Variants in GRIP1 observed in about 807,000 individuals in gnomAD.
GRIP1 encodes glutamate receptor-interacting protein 1.
Under a neutral mutation model 129.9 loss-of-function variants are expected in GRIP1, and 45 were observed. That is an observed-to-expected ratio of 0.35 (90% CI 0.27 to 0.44). The LOEUF (loss-of-function observed/expected upper bound fraction) is 0.44. Ranked by LOEUF, GRIP1 falls within the 20% of genes least tolerant of loss-of-function variation. The pLI, the probability that GRIP1 is intolerant of heterozygous loss-of-function variation, is 1.00. For synonymous variants in GRIP1, 530 were observed against 520.8 expected (o/e 1.02, Z -0.24); for missense variants, 1,196 against 1,396.8 (o/e 0.86, Z 2.29).
rs965781854 is a variant in GRIP1, at chr12:66,942,442, C to T, written c.58+126608G>A. Among the ~76,000 whole-genome samples, 7 of 152,170 alleles carry T rather than the reference C, an allele frequency of 4.6e-5. No homozygotes were observed. The East Asian group carries it at 7.7e-4, about 17-fold the overall frequency. On this transcript the variant is annotated intron_variant, in intron 1 of 1. Transcript: ENST00000643019. Reference sequence around the variant, plus strand: ...ACTTTCTTTGATCCACTTCCTCTCCCGTACATACAAATGACCAAGGTCAGT... The same window carrying T: ...ACTTTCTTTGATCCACTTCCTCTCCTGTACATACAAATGACCAAGGTCAGT...
chr12:66,822,510 A>G (rs1229296255), intron 1 of GRIP1, among the ~76,000 whole-genome samples: 3 of 152,188 alleles, frequency 2.0e-5, no homozygotes, highest in African/African-American at 7.2e-5. Context: ...GTATATATCC[A>G]AAAGAAAATA....
At chr12:66,828,218 G>A (rs1453359254) in intron 1 of GRIP1, among the ~76,000 whole-genome samples, 2 of 152,174 alleles carry the variant, frequency 1.3e-5, no homozygotes, top group African/African-American at 4.8e-5. Context: ...GTGAATTTTA[G>A]ATATAATCAT....
intron 1 of GRIP1, among the ~76,000 whole-genome samples, chr12:66,980,593 G>A (rs561084463): frequency 2.2e-4 from 33 of 152,336 alleles, no homozygotes; most frequent in African/African-American, 7.0e-4. Context: ...CCTGGCAACA[G>A]AGCGAGACTC....
chr12:66,559,552 G>A (rs2062447180), intron 2 of GRIP1, among the ~76,000 whole-genome samples: 1 of 151,946 alleles, frequency 6.6e-6, no homozygotes, highest in Non-Finnish European at 1.5e-5. Flanking sequence ...ATCTGAAAAA[G>A]AAATTTAAAA....
At chr12:66,947,381 C>T (rs76718767) in intron 1 of GRIP1, among the ~76,000 whole-genome samples, 3,924 of 152,254 alleles carry the variant, frequency 0.026, 148 homozygotes, top group African/African-American at 0.089. Context: ...ATATGCTCAG[C>T]CCTTACGTTG....
At chr12:66,936,237 T>A (rs775142802) in intron 1 of GRIP1, among the ~76,000 whole-genome samples, 2 of 151,946 alleles carry the variant, frequency 1.3e-5, no homozygotes, top group Non-Finnish European at 2.9e-5. Context: ...CTGGGCAACA[T>A]AGTGAGACCT....
intron 5 of GRIP1, among the ~76,000 whole-genome samples, chr12:66,519,831 T>C (rs2060948726): frequency 6.6e-6 from 1 of 152,184 alleles, no homozygotes; most frequent in Non-Finnish European, 1.5e-5. Flanking sequence ...AATTTTACAT[T>C]TGAGAATTAC....
chr12:66,444,819 A>G, intron 12 of GRIP1, 90 bp from the exon 13 acceptor site: 1 of 1,347,964 alleles, frequency 7.4e-7, no homozygotes, highest in Non-Finnish European at 1.1e-6. Flanking sequence ...ATCCTTGCAA[A>G]ATAGCATCAT....
At chr12:66,445,553 A>C in intron 11 of GRIP1, 45 bp from the exon 12 acceptor site, 1 of 1,361,220 alleles carries the variant, frequency 7.3e-7, no homozygotes, top group African/African-American at 1.4e-5. Flanking sequence ...TGGAGCAAGC[A>C]CCAGGAATAC....
chr12:66,963,499 A>AAGGAGGTTAAGTTACC lies in GRIP1; in HGVS notation c.58+105535_58+105550dup, dbSNP rs1350074258. Among the ~76,000 whole-genome samples, 16 of 152,160 alleles carry AAGGAGGTTAAGTTACC rather than the reference A, an allele frequency of 1.1e-4. No homozygotes were observed. The East Asian group carries it at 3.1e-3, about 29-fold the overall frequency. On this transcript the variant is annotated intron_variant, in intron 1 of 1. Transcript: ENST00000643019. ...TTAGAGATGAAGAAAAAGAAGGAAT[A>AAGGAGGTTAAGTTACC]AGGAGGTTAAGTTACCAAGACTACA...
At chr12:66,377,639 T>C (rs76862652) in intron 20 of GRIP1, among the ~76,000 whole-genome samples, 1 of 44,952 alleles carries the variant, frequency 2.2e-5, no homozygotes, top group South Asian at 8.9e-4. Context: ...GCACCCGGCC[T>C]TTTTTTTTTT....
At chr12:66,708,537 C>T (rs1272965890) in intron 1 of GRIP1, among the ~76,000 whole-genome samples, 3 of 151,644 alleles carry the variant, frequency 2.0e-5, no homozygotes, top group Non-Finnish European at 4.4e-5. Flanking sequence ...AACAGTATGT[C>T]AGGTAGAAAA....
intron 1 of GRIP1, among the ~76,000 whole-genome samples, chr12:67,036,482 T>A (rs1406066783): frequency 6.6e-6 from 1 of 151,938 alleles, no homozygotes; most frequent in Admixed American, 6.6e-5. Flanking sequence ...TGCCCACCAC[T>A]ATGCCTGGCT....
rs944441036 is a variant in GRIP1 at position 66,348,048 on chromosome 12, T to C, written c.*971A>G. Reference sequence around the variant, plus strand: ...ATGGTAATAATTGGCAATGCATTTGTGAAAAATGTATTTACAATTTCGGTA... The same window carrying C: ...ATGGTAATAATTGGCAATGCATTTGCGAAAAATGTATTTACAATTTCGGTA... On this transcript the variant is annotated 3_prime_UTR_variant, in exon 25 of 25. Coordinates refer to ENST00000359742, the MANE Select transcript of GRIP1 (RefSeq NM_001366722.1). 1.3e-5 allele frequency: 2 copies of C among 152,220 alleles called. No homozygotes were observed. The highest frequency in any genetic ancestry group is 4.8e-5 in the African/African-American group (2 of 41,456). The allele number at this position is 152,220 out of a possible 1,614,324, so 9.4% of individuals were successfully genotyped here.
In GRIP1 at chr12:66,550,908, G is replaced by A. The variant is rs148780606; in HGVS notation, c.137-8958C>T. Among the ~76,000 whole-genome samples, 596 of 152,258 alleles carry A rather than the reference G, an allele frequency of 3.9e-3. 4 individuals carry two copies. Among genetic ancestry groups the A allele is most frequent in the African/African-American group, 0.014 (570 of 41,554 alleles). On this transcript the variant is annotated intron_variant, in intron 2 of 24. Coordinates refer to ENST00000359742, the MANE Select transcript of GRIP1 (RefSeq NM_001366722.1). ...TTGATAAGGGCCAGGAGAAAGCACT[G>A]GGCAGGATATCTCGGAATCACACTT...
intron 1 of GRIP1, chr12:67,037,335 T>TAATAATAATAATAATAAC (rs2043113110): frequency 6.8e-6 from 1 of 146,792 alleles, no homozygotes; most frequent in African/African-American, 2.5e-5. Flanking sequence ...CTGAAAATAA[T>TAATAATAATAATAATAAC]AATAATAATA....
At chr12:66,488,249 T>TGA (rs551946610) in intron 7 of GRIP1, among the ~76,000 whole-genome samples, 235 of 152,258 alleles carry the variant, frequency 1.5e-3, no homozygotes, top group Admixed American at 3.7e-3. Flanking sequence ...TCTCAGCAAA[T>TGA]GGAAAATAAC....
chr12:66,938,153 G>T (rs1251364367), intron 1 of GRIP1, among the ~76,000 whole-genome samples: 1 of 151,424 alleles, frequency 6.6e-6, no homozygotes, highest in Admixed American at 6.6e-5. Flanking sequence ...CAAGGCAGGC[G>T]GATTGCAAGG....
intron 11 of GRIP1, among the ~76,000 whole-genome samples, chr12:66,451,853 G>A (rs2058817547): frequency 6.6e-6 from 1 of 151,998 alleles, no homozygotes; most frequent in African/African-American, 2.4e-5. Context: ...CAGTTCTTAG[G>A]GTGTCTTCTT....
Sources: gnomAD v4.1 joint callset for allele counts (sites outside exome capture counted in the v4.1 genomes callset) on GRCh38, gnomAD v4.1.1 for gene constraint, MANE v1.5 for transcripts, NCBI Gene and HGNC (gene_info 2026-07-23, HGNC 2026-07-21) for gene names.